The following TRMT44 variants were observed in gnomAD, a reference collection of about 807,000 sequenced individuals.
TRMT44 encodes probable tRNA (uracil-O(2)-)-methyltransferase.
Under a neutral mutation model 77.3 loss-of-function variants are expected in TRMT44, and 78 were observed. The observed-to-expected ratio is 1.01, with a 90% CI of 0.84 to 1.22. The LOEUF is 1.22. TRMT44 is among the 50% of genes most tolerant of loss of function. TRMT44 has a pLI of 0.00. For synonymous variants in TRMT44, 391 were observed against 383.3 expected, an observed-to-expected ratio of 1.02 and a Z score of -0.23; for missense variants, 1,090 against 964.4, an observed-to-expected ratio of 1.13 and a Z score of -1.73.
At chr4:8,489,777 C>G (rs550318807) in intron 2 of TRMT44, among the ~76,000 whole-genome samples, 2 of 152,288 alleles carry the variant, frequency 1.3e-5, no homozygotes, top group South Asian at 2.1e-4. Context: ...CACACCCGGC[C>G]TAGGCTGTAG....
intron 8 of TRMT44, 124 bp downstream of exon 8, chr4:8,465,685 G>A: frequency 1.2e-6 from 1 of 856,212 alleles, no homozygotes; most frequent in African/African-American, 1.7e-5. Context: ...TGCCGGTGCT[G>A]ATTTCTGTGC....
At chr4:8,449,956 T>TTCTTTTTC (rs1560222089) in intron 3 of TRMT44, 68 bp downstream of exon 3, 2 of 702,082 alleles carry the variant, frequency 2.8e-6, no homozygotes, top group Non-Finnish European at 2.0e-6. Context: ...TTTCTTTTTT[T>TTCTTTTTC]TTTTTTTTTT....
At chr4:8,507,323 T>C in the TRMT44 span, 1 of 152,380 alleles carries the variant, frequency 6.6e-6, no homozygotes, top group African/African-American at 2.4e-5. Flanking sequence ...ACAAGTCTAT[T>C]TGAGGGGCTG....
chr4:8,454,915 C>A (rs1725704738), intron 6 of TRMT44, 102 bp downstream of exon 6: 2 of 1,031,966 alleles, frequency 1.9e-6, no homozygotes, highest in Non-Finnish European at 3.0e-6. Context: ...AGCAGACATG[C>A]TGATAGTAAA....
chr4:8,483,644 C>G (rs1579097306), intron 2 of TRMT44, among the ~76,000 whole-genome samples: 1 of 152,108 alleles, frequency 6.6e-6, no homozygotes, highest in East Asian at 1.9e-4. Context: ...TTCTACTTTT[C>G]CTGAAGACTG....
intron 10 of TRMT44, among the ~76,000 whole-genome samples, chr4:8,471,701 C>T (rs1727017237): frequency 6.6e-6 from 1 of 152,246 alleles, no homozygotes; most frequent in Admixed American, 6.5e-5. Context: ...TCCTGGTACC[C>T]AGTTCCCCTG....
At position 8,451,852 on chromosome 4, in the gene TRMT44, G is replaced by A. The variant is rs916730677; in HGVS notation, c.955-108G>A. On this transcript the variant is annotated intron_variant, in intron 3 of 10. Transcript: ENST00000389737. The surrounding 1 kb of genome is among the most constrained non-coding windows in gnomAD (Gnocchi z 4.1). ...CTTTGAGCTTATGTTTCCTATTTTA[G>A]TGTACGATTAGTCCAGTTTGATTTA... The A allele has an allele frequency of 4.1e-5, 39 of 943,514 alleles. No homozygotes were observed. Among genetic ancestry groups the A allele is most frequent in the Non-Finnish European group, 6.4e-5 (39 of 613,144 alleles). The allele number at this position is 943,514 out of a possible 1,614,324, so 58.4% of individuals were successfully genotyped here. A position where few individuals can be genotyped will look rare whatever the true frequency, so the allele number is the denominator to read the frequency against.
chr4:8,486,934 T>C (rs2109225269), intron 2 of TRMT44, among the ~76,000 whole-genome samples: 1 of 152,112 alleles, frequency 6.6e-6, no homozygotes, highest in African/African-American at 2.4e-5. Context: ...CAGATGGGTC[T>C]GTAGAAAAGG....
At chr4:8,507,606 C>A in the TRMT44 span, 1 of 152,622 alleles carries the variant, frequency 6.6e-6, no homozygotes. Flanking sequence ...TTCTTCTTTC[C>A]TGGCTGAAGC....
chr4:8,465,487 T>C lies in TRMT44; in HGVS notation c.1420T>C (p.Phe474Leu). 2.5e-6 allele frequency: 4 copies of C among 1,614,156 alleles called. No individual in the cohort carries two copies. The highest frequency in any genetic ancestry group is 2.5e-6 in the Non-Finnish European group (3 of 1,180,030). The change falls in exon 8 of 11, where the codon TTC becomes CTC. Residue 474 changes from phenylalanine to leucine, a missense_variant. By Grantham distance (22) the Phe-to-Leu change is conservative (BLOSUM62 0). Transcript: ENST00000389737. ...GACTCAGTACCGGGAATACCTTGAC[T>C]TCATTAAAGAAGTGGGCTTCACCTG... ...KKTQYREYLD[F>L]IKEVGFTCGF...
intron 2 of TRMT44, among the ~76,000 whole-genome samples, chr4:8,488,104 G>A (rs1265054787): frequency 6.6e-6 from 1 of 152,200 alleles, no homozygotes; most frequent in Non-Finnish European, 1.5e-5. Flanking sequence ...AGTAAAAAGA[G>A]GCCACTTACT....
chr4:8,483,418 G>GC (rs745977977), intron 2 of TRMT44, among the ~76,000 whole-genome samples: 14 of 129,574 alleles, frequency 1.1e-4, no homozygotes, highest in South Asian at 7.4e-4. Flanking sequence ...AAGTTTTTTT[G>GC]GGGGGGGGCA....
At chr4:8,501,742 G>T in the TRMT44 span, among the ~76,000 whole-genome samples, 1 of 152,178 alleles carries the variant, frequency 6.6e-6, no homozygotes, top group East Asian at 1.9e-4. The surrounding 1 kb of genome is among the most constrained non-coding windows in gnomAD (Gnocchi z 4.4). Flanking sequence ...TAGCTGGGAG[G>T]TGCTCAGTTG....
At chr4:8,454,540 G>A (rs528112482) in intron 5 of TRMT44, 151 of 599,346 alleles carry the variant, frequency 2.5e-4, no homozygotes, top group Middle Eastern at 4.5e-4. Context: ...CTGCTAGCAG[G>A]AAGTGGCTAA....
chr4:8,501,383 G>A, the TRMT44 span, among the ~76,000 whole-genome samples: 702 of 152,240 alleles, frequency 4.6e-3, 2 homozygotes, highest in African/African-American at 0.015. This position sits in a 1 kb window ranked among gnomAD's most constrained non-coding sequence, Gnocchi z 4.4. Context: ...CTCTGGGACC[G>A]GATGTCCTGG....
intron 10 of TRMT44, among the ~76,000 whole-genome samples, chr4:8,473,134 C>T (rs1198577588): frequency 1.3e-5 from 2 of 152,208 alleles, no homozygotes; most frequent in Non-Finnish European, 2.9e-5. Context: ...TTTAAGCTAA[C>T]GTGGCTAGTC....
chr4:8,499,521 G>A, the TRMT44 span, among the ~76,000 whole-genome samples: 9 of 145,664 alleles, frequency 6.2e-5, no homozygotes, highest in Admixed American at 6.4e-4. Context: ...TGAGTGTGGG[G>A]GTGGGCAGGG....
chr4:8,475,774 G>C lies in TRMT44; in HGVS notation c.2047G>C (p.Val683Leu), dbSNP rs755273982. The change falls in exon 11 of 11, where the codon GTG (valine) becomes CTG (leucine). Residue 683 changes from valine to leucine, a missense_variant and splice_region_variant. Transcript: ENST00000389737. Reference protein sequence around the residue: ...LRNSHQVFQVVNGRVHIRDWR... With the variant: ...LRNSHQVFQVLNGRVHIRDWR... ...GTCTTCTCTGTTCCAAACCACAGTTGTGAATGGGAGAGTTCACATCCGCGA... is the reference window on the plus strand; with the variant it reads ...GTCTTCTCTGTTCCAAACCACAGTTCTGAATGGGAGAGTTCACATCCGCGA... 11 of 1,613,940 alleles carry C rather than the reference G, an allele frequency of 6.8e-6. No homozygotes were observed. Among genetic ancestry groups the C allele is most frequent in the Admixed American group, 6.7e-5 (4 of 60,014 alleles).
chr4:8,470,592 G>A (rs1391167937), intron 9 of TRMT44, among the ~76,000 whole-genome samples: 1 of 152,202 alleles, frequency 6.6e-6, no homozygotes, highest in African/African-American at 2.4e-5. Context: ...TGGTGTCTGT[G>A]CTGTTCCTTT....
Sources: allele counts gnomAD v4.1 joint callset (sites outside exome capture counted in the v4.1 genomes callset), GRCh38; gene constraint gnomAD v4.1.1; non-coding constraint Gnocchi (gnomAD v3.1); transcripts MANE v1.5; gene names NCBI Gene and HGNC (gene_info 2026-07-23, HGNC 2026-07-21).